Variants in TOP6BL observed in about 807,000 individuals in gnomAD.
TOP6BL encodes the protein TOP6B like initiator of meiotic double strand breaks, also known as type 2 DNA topoisomerase 6 subunit B-like.
chr11:66,821,770 A>G, the TOP6BL span: 3 of 1,612,920 alleles, frequency 1.9e-6, no homozygotes, highest in Non-Finnish European at 2.5e-6. Context: ...CCAAGGTAAT[A>G]AGGAATTCAC....
At chr11:66,839,190 C>T in the TOP6BL span, 1 of 456,300 alleles carries the variant, frequency 2.2e-6, no homozygotes, top group East Asian at 6.9e-5. Context: ...CACATTCAGT[C>T]ACTAGCAGAG....
At chr11:66,812,787 A>G in the TOP6BL span, among the ~76,000 whole-genome samples, 5 of 152,164 alleles carry the variant, frequency 3.3e-5, no homozygotes, top group African/African-American at 9.7e-5. Flanking sequence ...ACATTTGACA[A>G]TGTCTGGAGA....
At chr11:66,766,238 G>A in the TOP6BL span, among the ~76,000 whole-genome samples, 2 of 152,250 alleles carry the variant, frequency 1.3e-5, no homozygotes. Context: ...ATCAGCTTTA[G>A]TTTCCTTTAC....
At chr11:66,762,406 G>T in the TOP6BL span, 1 of 342,438 alleles carries the variant, frequency 2.9e-6, no homozygotes, top group South Asian at 2.6e-5. Flanking sequence ...GCATGGCGGA[G>T]AGGACTGCGA....
chr11:66,777,170 G>C, the TOP6BL span, among the ~76,000 whole-genome samples: 2 of 148,690 alleles, frequency 1.3e-5, no homozygotes, highest in Non-Finnish European at 3.0e-5. Context: ...CATTTTTCAT[G>C]TTATGACATA....
the TOP6BL span, among the ~76,000 whole-genome samples, chr11:66,811,449 C>T: frequency 6.6e-6 from 1 of 152,200 alleles, no homozygotes; most frequent in African/African-American, 2.4e-5. Flanking sequence ...GCCTTGGCCT[C>T]CCAAAGTGCT....
At chr11:66,787,227 C>T in the TOP6BL span, among the ~76,000 whole-genome samples, 1 of 151,822 alleles carries the variant, frequency 6.6e-6, no homozygotes, top group Admixed American at 6.6e-5. Flanking sequence ...AGCCACCGTG[C>T]CCAGCCGATA....
At chr11:66,773,639 TCTTA>T in the TOP6BL span, among the ~76,000 whole-genome samples, 1 of 152,202 alleles carries the variant, frequency 6.6e-6, no homozygotes, top group Non-Finnish European at 1.5e-5. Flanking sequence ...TCGTTTGGGG[TCTTA>T]CTTGCTCTTC....
the TOP6BL span, among the ~76,000 whole-genome samples, chr11:66,797,914 C>G: frequency 6.6e-6 from 1 of 152,158 alleles, no homozygotes; most frequent in Non-Finnish European, 1.5e-5. Flanking sequence ...ATGACATCCC[C>G]CTTCTGCCAT....
At chr11:66,755,074 G>A in the TOP6BL span, among the ~76,000 whole-genome samples, 5 of 151,536 alleles carry the variant, frequency 3.3e-5, no homozygotes, top group South Asian at 4.2e-4. Flanking sequence ...GATTACTCAG[G>A]TCTCCTAAAT....
chr11:66,827,645 T>G, the TOP6BL span, among the ~76,000 whole-genome samples: 10 of 151,872 alleles, frequency 6.6e-5, no homozygotes, highest in African/African-American at 2.2e-4. Context: ...AACAGATGGA[T>G]CTTCTGGATA....
chr11:66,760,457 A>G, the TOP6BL span, among the ~76,000 whole-genome samples: 2 of 147,156 alleles, frequency 1.4e-5, no homozygotes, highest in Admixed American at 6.8e-5. Flanking sequence ...TCTCAAAAAA[A>G]AAAAAAGAAA....
chr11:66,774,705 T>G, the TOP6BL span, among the ~76,000 whole-genome samples: 1 of 152,006 alleles, frequency 6.6e-6, no homozygotes, highest in African/African-American at 2.4e-5. Flanking sequence ...TCTCCTGACC[T>G]CGTGATCCGC....
chr11:66,804,337 C>A, the TOP6BL span: 1 of 820,620 alleles, frequency 1.2e-6, no homozygotes, highest in Non-Finnish European at 1.8e-6. Context: ...GAAAGCCAAG[C>A]TTGAAAATTT....
the TOP6BL span, chr11:66,748,512 CA>C: frequency 8.4e-6 from 13 of 1,539,136 alleles, no homozygotes; most frequent in Non-Finnish European, 1.1e-5. Flanking sequence ...CATTGTGTAA[CA>C]ACTAGTAAGT....
At chr11:66,788,179 C>A in the TOP6BL span, 3 of 1,613,554 alleles carry the variant, frequency 1.9e-6, no homozygotes, top group Non-Finnish European at 2.5e-6. Context: ...CCATACTGCC[C>A]GGAATCTCTG....
chr11:66,747,022 C>T, the TOP6BL span, among the ~76,000 whole-genome samples: 3 of 152,056 alleles, frequency 2.0e-5, no homozygotes, highest in Non-Finnish European at 1.5e-5. Flanking sequence ...CTGTGGCCTC[C>T]ACCTCCCGAG....
chr11:66,780,875 C>G, the TOP6BL span, among the ~76,000 whole-genome samples: 1 of 152,134 alleles, frequency 6.6e-6, no homozygotes, highest in Non-Finnish European at 1.5e-5. Context: ...AGCCACCGCG[C>G]GTGGACCTGG....
chr11:66,755,433 A>AT, the TOP6BL span, among the ~76,000 whole-genome samples: 1 of 152,068 alleles, frequency 6.6e-6, no homozygotes, highest in Non-Finnish European at 1.5e-5. Context: ...TAGTGTCTAG[A>AT]TTTTTATTAC....
Sources: gnomAD v4.1 joint callset for allele counts (sites outside exome capture counted in the v4.1 genomes callset) on GRCh38, gnomAD v4.1.1 for gene constraint, MANE v1.5 for transcripts, NCBI Gene and HGNC (gene_info 2026-07-23, HGNC 2026-07-21) for gene names.